ENOX1: variants seen among roughly 807,000 people sequenced by gnomAD.
ENOX1 encodes candidate growth-related and time keeping constitutive hydroquinone (NADH) oxidase.
ENOX1 carries 42 observed loss-of-function variants against 82.5 expected under a neutral mutation model. The ratio of observed to expected loss-of-function variants is 0.51; its 90% CI spans 0.40 to 0.66. ENOX1 has a LOEUF of 0.66. Among genes scored for constraint, ENOX1 ranks in the 30% least tolerant of loss-of-function variants. ENOX1 has a pLI of 0.00. For missense variants in ENOX1, 608 were observed against 811.6 expected (o/e 0.75, Z 3.05); for synonymous variants, 271 against 282.2 (o/e 0.96, Z 0.40).
intron 2 of ENOX1, among the ~76,000 whole-genome samples, chr13:43,614,542 C>CTTT (rs9316046): frequency 0.17 from 21,979 of 129,784 alleles, 2,629 homozygotes; most frequent in East Asian, 0.37. Flanking sequence ...AAATAAAGGG[C>CTTT]TTTTTTTTTT....
chr13:43,358,147 C>T (rs1417405767), intron 7 of ENOX1, among the ~76,000 whole-genome samples: 1 of 152,132 alleles, frequency 6.6e-6, no homozygotes, highest in African/African-American at 2.4e-5. Flanking sequence ...TTTCATATGC[C>T]TAAATTTGGG....
At chr13:43,469,016 A>T in intron 3 of ENOX1, among the ~76,000 whole-genome samples, 1 of 152,196 alleles carries the variant, frequency 6.6e-6, no homozygotes, top group Non-Finnish European at 1.5e-5. Flanking sequence ...TATTGACTAG[A>T]AGTGGGTAGA....
intron 15 of ENOX1, among the ~76,000 whole-genome samples, chr13:43,233,277 A>T (rs1992640): frequency 0.96 from 146,065 of 152,222 alleles, 70,376 homozygotes; most frequent in East Asian, 1. Context: ...GAAATCACAA[A>T]AATAAAGTAT....
At chr13:43,223,776 C>T (rs2041902294) in intron 16 of ENOX1, among the ~76,000 whole-genome samples, 2 of 152,150 alleles carry the variant, frequency 1.3e-5, no homozygotes, top group South Asian at 2.1e-4. Flanking sequence ...TTCAGGTGAA[C>T]CTATATTTTT....
intron 3 of ENOX1, among the ~76,000 whole-genome samples, chr13:43,482,976 G>C (rs889023763): frequency 6.6e-6 from 1 of 152,082 alleles, no homozygotes; most frequent in African/African-American, 2.4e-5. Context: ...CAACAGCGAA[G>C]GGTACAGTGG....
rs184615366 is a variant in ENOX1, at chr13:43,240,980, G to A, written c.1612-4242C>T. 1.5e-4 allele frequency among the ~76,000 whole-genome samples: 23 copies of A among 152,262 alleles called. No homozygotes were observed. The East Asian group carries it at 3.3e-3, about 22-fold the overall frequency. ...CTGGCATCCTTCTGGACCCCTCTACGGAGATACTGAGGTTATAAGATCCAT... is the reference window on the plus strand; with the variant it reads ...CTGGCATCCTTCTGGACCCCTCTACAGAGATACTGAGGTTATAAGATCCAT... On this transcript the variant is annotated intron_variant, in intron 14 of 16. Transcript: ENST00000690772.
chr13:43,417,242 C>CGGGAGAGGGAGA (rs66971009), intron 3 of ENOX1, among the ~76,000 whole-genome samples: 9,217 of 82,776 alleles, frequency 0.11, 1,534 homozygotes, highest in South Asian at 0.29. Context: ...AGACGGGAGA[C>CGGGAGAGGGAGA]GGGAGAGGGA....
intron 2 of ENOX1, among the ~76,000 whole-genome samples, chr13:43,531,316 T>G (rs1488169010): frequency 6.6e-6 from 1 of 151,910 alleles, no homozygotes; most frequent in East Asian, 1.9e-4. Context: ...CAAAAACACA[T>G]GAAAAAATGC....
chr13:43,731,677 A>G (rs972753197), intron 1 of ENOX1, among the ~76,000 whole-genome samples: 1 of 152,218 alleles, frequency 6.6e-6, no homozygotes, highest in African/African-American at 2.4e-5. Context: ...AATGTATTCA[A>G]ACTACATTTA....
intron 3 of ENOX1, among the ~76,000 whole-genome samples, chr13:43,456,774 G>A (rs1449936289): frequency 1.3e-5 from 2 of 152,136 alleles, no homozygotes; most frequent in African/African-American, 4.8e-5. Context: ...TGTGAGCTAG[G>A]GAGGGCAGGG....
At chr13:43,239,149 C>T (rs568121326) in intron 14 of ENOX1, among the ~76,000 whole-genome samples, 1 of 152,296 alleles carries the variant, frequency 6.6e-6, no homozygotes, top group South Asian at 2.1e-4. Context: ...GTCTTAGGGT[C>T]ACCATTCTGT....
At chr13:43,331,336 C>T (rs2048398876) in intron 9 of ENOX1, among the ~76,000 whole-genome samples, 1 of 152,186 alleles carries the variant, frequency 6.6e-6, no homozygotes, top group Non-Finnish European at 1.5e-5. Flanking sequence ...GAGCCTTAAT[C>T]CAGTTAGTGT....
At chr13:43,717,161 C>A (rs554712488) in intron 1 of ENOX1, among the ~76,000 whole-genome samples, 7 of 152,258 alleles carry the variant, frequency 4.6e-5, no homozygotes, top group Non-Finnish European at 1.0e-4. Flanking sequence ...GCTACAGTTA[C>A]CCAAACAGCA....
At chr13:43,581,445 T>C (rs1412489078) in intron 2 of ENOX1, among the ~76,000 whole-genome samples, 1 of 152,216 alleles carries the variant, frequency 6.6e-6, no homozygotes, top group Non-Finnish European at 1.5e-5. Flanking sequence ...TACCTGATTC[T>C]TAATGGCTTC....
rs550507678 is a variant in ENOX1, at chr13:43,622,690, C to T, written c.-219+44789G>A. On this transcript the variant is annotated intron_variant, in intron 2 of 16. Transcript: ENST00000690772. ...GGGATGCAATGGACTCCATGAGGGT[C>T]CTTAGCTTTGGTGGTTTAATGGTCT... Among the ~76,000 whole-genome samples, 8 of 152,066 alleles carry T rather than the reference C, an allele frequency of 5.3e-5. No individual in the cohort carries two copies. The South Asian group carries it at 1.3e-3, about 24-fold the overall frequency.
intron 3 of ENOX1, among the ~76,000 whole-genome samples, chr13:43,465,260 T>C (rs1433492136): frequency 6.6e-6 from 1 of 152,202 alleles, no homozygotes; most frequent in Middle Eastern, 3.2e-3. Context: ...AGACTCTATT[T>C]ATTTATTTGT....
intron 13 of ENOX1, among the ~76,000 whole-genome samples, chr13:43,266,731 A>T (rs2044392143): frequency 6.6e-6 from 1 of 152,204 alleles, no homozygotes; most frequent in Non-Finnish European, 1.5e-5. Flanking sequence ...AGGACTTTTT[A>T]AAATCCCCTC....
At chr13:43,402,772 A>G (rs2053569575) in intron 5 of ENOX1, among the ~76,000 whole-genome samples, 1 of 152,222 alleles carries the variant, frequency 6.6e-6, no homozygotes, top group South Asian at 2.1e-4. Flanking sequence ...ATGCATGCAC[A>G]CACATATATA....
At chr13:43,253,044 C>CT (rs2043546737) in intron 14 of ENOX1, among the ~76,000 whole-genome samples, 1 of 152,290 alleles carries the variant, frequency 6.6e-6, no homozygotes, top group Admixed American at 6.5e-5. Context: ...GACATTTGAG[C>CT]TTTTTTGCTT....
Sources: gnomAD v4.1 joint callset for allele counts (sites outside exome capture counted in the v4.1 genomes callset) on GRCh38, gnomAD v4.1.1 for gene constraint, MANE v1.5 for transcripts, NCBI Gene and HGNC (gene_info 2026-07-23, HGNC 2026-07-21) for gene names.